The following SENP7 variants were observed in gnomAD, a reference collection of about 807,000 sequenced individuals.
SENP7 encodes sentrin-specific protease 7.
Under a neutral mutation model 141.2 loss-of-function variants are expected in SENP7, and 64 were observed. That is an observed-to-expected ratio of 0.45 (90% confidence interval 0.37 to 0.56). The LOEUF is 0.56. Among genes scored for constraint, SENP7 ranks in the 20% least tolerant of loss-of-function variants. The pLI is 0.00. For missense variants in SENP7, 1,025 were observed against 1,212.2 expected, an observed-to-expected ratio of 0.85 and a Z score of 2.29; for synonymous variants, 382 against 426.4, an observed-to-expected ratio of 0.90 and a Z score of 1.28.
intron 11 of SENP7, chr3:101,357,571 T>C: frequency 7.9e-7 from 1 of 1,262,918 alleles, no homozygotes; most frequent in Non-Finnish European, 1.1e-6. Context: ...AATGTGGACA[T>C]GACAATTTAC....
intron 6 of SENP7, 40 bp from the exon 7 acceptor site, chr3:101,372,166 C>A (rs761032050): frequency 2.7e-6 from 3 of 1,106,962 alleles, no homozygotes; most frequent in South Asian, 4.6e-5. Flanking sequence ...TCTAATAAAG[C>A]CCAAATGAAT....
chr3:101,364,362 A>G (rs1042060973), intron 10 of SENP7, among the ~76,000 whole-genome samples: 5 of 152,232 alleles, frequency 3.3e-5, no homozygotes, highest in Admixed American at 1.3e-4. Context: ...ATGATTTTCT[A>G]TAAGAATGAA....
chr3:101,482,705 A>G (rs2064547519), intron 3 of SENP7, among the ~76,000 whole-genome samples: 1 of 152,146 alleles, frequency 6.6e-6, no homozygotes, highest in Admixed American at 6.5e-5. Flanking sequence ...GGGTGAAAGA[A>G]TATTTTTTTA....
intron 5 of SENP7, among the ~76,000 whole-genome samples, chr3:101,407,057 C>T (rs1366610776): frequency 1.3e-5 from 2 of 152,160 alleles, no homozygotes; most frequent in Non-Finnish European, 2.9e-5. Context: ...AAAAGAACTG[C>T]TAAAAGGAGC....
chr3:101,435,645 A>G (rs2062358220), intron 4 of SENP7, among the ~76,000 whole-genome samples: 1 of 152,050 alleles, frequency 6.6e-6, no homozygotes, highest in Non-Finnish European at 1.5e-5. Context: ...CAACAGCAAA[A>G]AACACGAAAA....
intron 3 of SENP7, among the ~76,000 whole-genome samples, chr3:101,465,642 T>C (rs1173988339): frequency 6.9e-6 from 1 of 144,808 alleles, no homozygotes; most frequent in Non-Finnish European, 1.6e-5. Context: ...AATATATCTA[T>C]AGGAAAAAGT....
At chr3:101,454,263 G>A (rs1267068903) in intron 4 of SENP7, among the ~76,000 whole-genome samples, 1 of 152,204 alleles carries the variant, frequency 6.6e-6, no homozygotes, top group Non-Finnish European at 1.5e-5. Flanking sequence ...TGTAATCCCA[G>A]CAATTTGGGA....
chr3:101,415,236 T>A (rs1242621987), intron 5 of SENP7, among the ~76,000 whole-genome samples: 1 of 152,230 alleles, frequency 6.6e-6, no homozygotes, highest in Admixed American at 6.5e-5. Flanking sequence ...GAAAGGTTCC[T>A]TGATCCCCAT....
At chr3:101,460,594 T>G (rs2063514200) in intron 3 of SENP7, among the ~76,000 whole-genome samples, 1 of 151,604 alleles carries the variant, frequency 6.6e-6, no homozygotes, top group Admixed American at 6.6e-5. Context: ...ATTATGAAAC[T>G]CTTAGAAAAA....
At chr3:101,485,371 C>A (rs1357516007) in intron 3 of SENP7, among the ~76,000 whole-genome samples, 1 of 152,104 alleles carries the variant, frequency 6.6e-6, no homozygotes, top group African/African-American at 2.4e-5. Context: ...CCCGCCACTA[C>A]CTCCACTGGA....
intron 6 of SENP7, among the ~76,000 whole-genome samples, chr3:101,378,533 C>A (rs1417323885): frequency 1.3e-5 from 2 of 151,818 alleles, no homozygotes; most frequent in Non-Finnish European, 2.9e-5. Context: ...ACTAAAAAAA[C>A]CCGTAACAGA....
chr3:101,339,421 CA>C (rs1485592359), intron 16 of SENP7, among the ~76,000 whole-genome samples: 4 of 152,052 alleles, frequency 2.6e-5, no homozygotes, highest in Non-Finnish European at 5.9e-5. Context: ...TCTGGCTATA[CA>C]AAAAGTTGGG....
intron 3 of SENP7, among the ~76,000 whole-genome samples, chr3:101,470,651 G>A (rs1435842426): frequency 1.3e-5 from 2 of 152,104 alleles, no homozygotes; most frequent in African/African-American, 2.4e-5. Flanking sequence ...TTCTGGCCAG[G>A]GCAATCGGGC....
In SENP7 at chr3:101,351,627, G is replaced by C; in HGVS notation, c.1648C>G (p.Pro550Ala). Residue 550 changes from proline (P) to alanine (A), a missense_variant, in exon 12 of 24, where the codon CCA becomes GCA. This residue lies in a region of SENP7 where 228 missense variants were observed against 228.5 expected (regional missense o/e 1.00). Coordinates refer to ENST00000394095, the MANE Select transcript of SENP7 (RefSeq NM_020654.5). The stretch of plus-strand genomic sequence containing the variant: ...GAGAATGATAACTTACCTTGAAATG[G>C]GATCTTAATATATTTTTTTGTGATC... ...VTITKKYIKIPFQVSLNEISL... is the reference protein window; with the variant it reads ...VTITKKYIKIAFQVSLNEISL... 7.4e-7 allele frequency: 1 copy of C among 1,349,492 alleles called. No homozygotes were observed. Among genetic ancestry groups the C allele is most frequent in the Non-Finnish European group, 9.7e-7 (1 of 1,027,932 alleles). The allele number at this position is 1,349,492 out of a possible 1,614,324, so 83.6% of individuals were successfully genotyped here.
intron 4 of SENP7, among the ~76,000 whole-genome samples, chr3:101,419,809 T>C (rs1292492535): frequency 2.0e-5 from 3 of 152,248 alleles, no homozygotes; most frequent in Non-Finnish European, 4.4e-5. Context: ...GAACATGTAC[T>C]ATATACCAGG....
chr3:101,348,130 T>G (rs950352041), intron 12 of SENP7, 79 bp from the exon 13 acceptor site: 14 of 856,448 alleles, frequency 1.6e-5, no homozygotes, highest in Non-Finnish European at 2.4e-5. Flanking sequence ...TGACACTTGT[T>G]AATACACTAC....
chr3:101,391,524 C>T lies in SENP7; in HGVS notation c.677+7337G>A, dbSNP rs1033970494. Among the ~76,000 whole-genome samples, 8 of 152,172 alleles carry T rather than the reference C, an allele frequency of 5.3e-5. No individual in the cohort carries two copies. In the East Asian group the frequency reaches 1.3e-3, roughly 26 times the overall value. On this transcript the variant is annotated intron_variant, in intron 6 of 23. Transcript: ENST00000394095. ...AAAATTCCTAGAGACATACAACCTACAAGATTGAATCAGGAAGAAAGAGAA... is the reference window on the plus strand; with the variant it reads ...AAAATTCCTAGAGACATACAACCTATAAGATTGAATCAGGAAGAAAGAGAA...
intron 3 of SENP7, among the ~76,000 whole-genome samples, chr3:101,487,288 T>C (rs2064770425): frequency 6.6e-6 from 1 of 152,170 alleles, no homozygotes; most frequent in South Asian, 2.1e-4. Flanking sequence ...TACATATATA[T>C]ATGTAAAAAC....
chr3:101,381,802 AT>A (rs2060509863), intron 6 of SENP7, among the ~76,000 whole-genome samples: 2 of 152,196 alleles, frequency 1.3e-5, no homozygotes, highest in Non-Finnish European at 1.5e-5. Context: ...TCAGAAGAAA[AT>A]TTATGACATA....
Sources: gnomAD v4.1 joint callset for allele counts (sites outside exome capture counted in the v4.1 genomes callset) on GRCh38, gnomAD v4.1.1 for gene constraint, gnomAD v4.1.1 regional missense constraint, MANE v1.5 for transcripts, NCBI Gene and HGNC (gene_info 2026-07-23, HGNC 2026-07-21) for gene names.